Variants in RBM17 observed in about 807,000 individuals in gnomAD.
RBM17 encodes the protein splicing factor 45.
A neutral mutation model predicts 53.2 loss-of-function variants in RBM17; 7 were observed. The observed-to-expected ratio is 0.13, with a 90% confidence interval of 0.07 to 0.25. RBM17 has a LOEUF of 0.25. Ranked by LOEUF, RBM17 falls within the 10% of genes least tolerant of loss-of-function variation. The pLI is 1.00. For synonymous variants in RBM17, 167 were observed against 178.1 expected, an observed-to-expected ratio of 0.94 and a Z score of 0.50; for missense variants, 257 against 496.7, an observed-to-expected ratio of 0.52 and a Z score of 4.59.
At chr10:6,105,130 C>T in intron 4 of RBM17, 33 bp downstream of exon 4, 1 of 1,598,468 alleles carries the variant, frequency 6.3e-7, no homozygotes. Flanking sequence ...GGATATTTTA[C>T]AGTTGAAATG....
rs995014210 is a variant in RBM17 at position 6,096,914 on chromosome 10, G to A, written c.-18-134G>A. 40 of 651,388 alleles carry A rather than the reference G, an allele frequency of 6.1e-5. No individual in the cohort carries two copies. In the African/African-American group the frequency reaches 7.0e-4, roughly 11 times the overall value. 40.4% of individuals were successfully genotyped at this position (651,388 alleles called of 1,614,324 possible). ...TATCAGGAATAGCCCTACATTAATGGTACCAGGAGCCTGGGCCTCTGTTGC... is the reference window on the plus strand; with the variant it reads ...TATCAGGAATAGCCCTACATTAATGATACCAGGAGCCTGGGCCTCTGTTGC... On this transcript the variant is annotated intron_variant, in intron 1 of 11. Coordinates refer to ENST00000379888, the MANE Select transcript of RBM17 (RefSeq NM_032905.5).
At chr10:6,094,051 C>T (rs1005325057) in intron 1 of RBM17, among the ~76,000 whole-genome samples, 6 of 150,328 alleles carry the variant, frequency 4.0e-5, no homozygotes, top group African/African-American at 1.2e-4. Context: ...CTTGGCTCAC[C>T]GCAAGCTCTG....
intron 2 of RBM17, among the ~76,000 whole-genome samples, chr10:6,100,009 GA>G (rs1225532378): frequency 3.3e-5 from 5 of 152,008 alleles, no homozygotes; most frequent in Non-Finnish European, 5.9e-5. Context: ...AGTGAGCCGA[GA>G]TCGAACTCCA....
chr10:6,114,287 C>G (rs1588353105), intron 10 of RBM17, 140 bp downstream of exon 10: 1 of 555,344 alleles, frequency 1.8e-6, no homozygotes, highest in Non-Finnish European at 3.3e-6. Context: ...TTGTACTTCT[C>G]TTGCTCAATT....
At chr10:6,106,617 T>G (rs1840752186) in intron 5 of RBM17, among the ~76,000 whole-genome samples, 1 of 152,246 alleles carries the variant, frequency 6.6e-6, no homozygotes, top group Admixed American at 6.5e-5. Context: ...GTGACACATT[T>G]CATATCCGCT....
intron 10 of RBM17, chr10:6,114,675 T>C (rs938390572): frequency 9.5e-5 from 15 of 157,414 alleles, no homozygotes; most frequent in Admixed American, 7.4e-4. Flanking sequence ...ATAGCAGATA[T>C]GGGCTGCGCT....
intron 2 of RBM17, among the ~76,000 whole-genome samples, chr10:6,099,032 T>A (rs1339742720): frequency 2.6e-5 from 4 of 152,184 alleles, no homozygotes; most frequent in African/African-American, 4.8e-5. Context: ...GTGTTTTTTT[T>A]AAAACAAGGT....
Position 6,110,104 on chromosome 10 carries a change from C to G in RBM17, c.681C>G (p.Ser227Arg). ...QDRPRSPTGP[S>R]NSFLANMGGT... ...GACCGAGATCTCCAACCGGACCTAG[C>G]AACTCCTTCCTCGCTAACATGGGGT... Residue 227 changes from serine (S) to arginine (R), a missense_variant, in exon 7 of 12, where the codon AGC becomes AGG. This residue lies in a region of RBM17 where 68 missense variants were observed against 60.0 expected (regional missense o/e 1.13). Coordinates refer to ENST00000379888, the MANE Select transcript of RBM17 (RefSeq NM_032905.5). The G allele has an allele frequency of 6.2e-7, 1 of 1,609,862 alleles. No homozygotes were observed.
chr10:6,098,563 G>GTCTTTTTTTTTTTTTTTTTTTT (rs1554834988), intron 2 of RBM17, among the ~76,000 whole-genome samples: 1 of 46,642 alleles, frequency 2.1e-5, no homozygotes. Flanking sequence ...CAGGTTTTTT[G>GTCTTTTTTTTTTTTTTTTTTTT]TTTTTTTTTT....
At chr10:6,107,731 C>T (rs1297851766) in intron 5 of RBM17, among the ~76,000 whole-genome samples, 1 of 152,088 alleles carries the variant, frequency 6.6e-6, no homozygotes, top group Non-Finnish European at 1.5e-5. Context: ...ATTTGCCTGC[C>T]TCAGCCTCTC....
intron 2 of RBM17, among the ~76,000 whole-genome samples, chr10:6,099,953 G>A (rs1393206440): frequency 6.6e-6 from 1 of 152,020 alleles, no homozygotes; most frequent in Non-Finnish European, 1.5e-5. Context: ...AGCTACTCTG[G>A]AGGCTGAGAC....
intron 2 of RBM17, among the ~76,000 whole-genome samples, chr10:6,100,303 C>G (rs1274902248): frequency 6.6e-6 from 1 of 152,070 alleles, no homozygotes; most frequent in African/African-American, 2.4e-5. Flanking sequence ...ACCACCATAC[C>G]CATATGATCA....
Position 6,115,719 on chromosome 10 carries a change from T to C in RBM17, c.*163T>C, listed in dbSNP as rs528958452. 1 of 491,078 alleles carries C rather than the reference T, an allele frequency of 2.0e-6. No individual in the cohort carries two copies. The highest frequency in any genetic ancestry group is 4.2e-5 in the South Asian group (1 of 23,884). The allele number at this position is 491,078 out of a possible 1,614,324, so 30.4% of individuals were successfully genotyped here. On this transcript the variant is annotated 3_prime_UTR_variant, in exon 12 of 12. Transcript: ENST00000379888. ...TGATCCCTTTTTTATTTTGTGGTTT[T>C]TTAATATAGTATAAAAATCCTTTTA...
intron 3 of RBM17, among the ~76,000 whole-genome samples, chr10:6,102,351 C>T (rs1328203431): frequency 2.0e-5 from 3 of 152,146 alleles, no homozygotes; most frequent in East Asian, 1.9e-4. Context: ...GGTTGGGCTC[C>T]GTCTCCTGCC....
chr10:6,103,128 A>C (rs1243469393), intron 3 of RBM17, among the ~76,000 whole-genome samples: 1 of 152,066 alleles, frequency 6.6e-6, no homozygotes, highest in Non-Finnish European at 1.5e-5. Context: ...TTTCTATGTA[A>C]TTAGGGTTAT....
At chr10:6,115,355 T>C (rs1206060598) in intron 11 of RBM17, 44 bp downstream of exon 11, 1 of 1,555,712 alleles carries the variant, frequency 6.4e-7, no homozygotes, top group Non-Finnish European at 8.9e-7. Flanking sequence ...AAGTTGAATT[T>C]ACAGCCTTAA....
At chr10:6,105,463 A>G (rs1840735925) in intron 4 of RBM17, among the ~76,000 whole-genome samples, 1 of 152,356 alleles carries the variant, frequency 6.6e-6, no homozygotes, top group East Asian at 1.9e-4. Flanking sequence ...TGCCGCTCAA[A>G]GGAAATGTGC....
chr10:6,096,326 A>G (rs1487830817), intron 1 of RBM17, among the ~76,000 whole-genome samples: 3 of 152,126 alleles, frequency 2.0e-5, no homozygotes, highest in African/African-American at 7.2e-5. Context: ...CTGGGCTTTC[A>G]TGGGACCTGC....
At chr10:6,111,924 G>C (rs1000344395) in intron 7 of RBM17, among the ~76,000 whole-genome samples, 1 of 152,178 alleles carries the variant, frequency 6.6e-6, no homozygotes, top group Non-Finnish European at 1.5e-5. Flanking sequence ...AAAAGGTCTT[G>C]TGTTTCCTAG....
Sources: allele counts gnomAD v4.1 joint callset (sites outside exome capture counted in the v4.1 genomes callset), GRCh38; gene constraint gnomAD v4.1.1; regional missense constraint gnomAD v4.1.1; transcripts MANE v1.5; gene names NCBI Gene and HGNC (gene_info 2026-07-23, HGNC 2026-07-21).